Variants in DGKB observed in about 807,000 individuals in gnomAD.
DGKB encodes the protein 90 kDa diacylglycerol kinase.
Under a neutral mutation model 114.3 loss-of-function variants are expected in DGKB, and 67 were observed. The observed-to-expected ratio is 0.59, with a 90% confidence interval of 0.48 to 0.72. The LOEUF is 0.72. Ranked by LOEUF, DGKB falls within the 30% of genes least tolerant of loss-of-function variation. The pLI is 0.00. For synonymous variants in DGKB, 398 were observed against 323.1 expected, an observed-to-expected ratio of 1.23 and a Z score of -2.49; for missense variants, 907 against 975.2, an observed-to-expected ratio of 0.93 and a Z score of 0.93.
At chr7:14,476,559 T>C (rs1782199348) in intron 21 of DGKB, among the ~76,000 whole-genome samples, 1 of 152,114 alleles carries the variant, frequency 6.6e-6, no homozygotes. Flanking sequence ...AAAATTTGTG[T>C]GAATTATTCT....
intron 2 of DGKB, among the ~76,000 whole-genome samples, chr7:14,801,878 G>A (rs1343068840): frequency 6.7e-6 from 1 of 150,236 alleles, no homozygotes; most frequent in Non-Finnish European, 1.5e-5. Flanking sequence ...ATATACATAT[G>A]TGTGTGTGTA....
chr7:14,517,227 A>T (rs1788959669), intron 20 of DGKB, among the ~76,000 whole-genome samples: 1 of 152,164 alleles, frequency 6.6e-6, no homozygotes, highest in Non-Finnish European at 1.5e-5. Flanking sequence ...CATTCAATAA[A>T]TGGTGCTGGA....
At chr7:14,831,727 A>T (rs1157705881) in intron 2 of DGKB, among the ~76,000 whole-genome samples, 1 of 152,092 alleles carries the variant, frequency 6.6e-6, no homozygotes, top group Non-Finnish European at 1.5e-5. Flanking sequence ...ATCTTATTAC[A>T]CAGTTATTAC....
At chr7:14,439,162 C>T (rs1184611046) in intron 21 of DGKB, among the ~76,000 whole-genome samples, 1 of 152,040 alleles carries the variant, frequency 6.6e-6, no homozygotes, top group African/African-American at 2.4e-5. Flanking sequence ...ACGTACTAAT[C>T]CCCAAACTCT....
intron 23 of DGKB, among the ~76,000 whole-genome samples, chr7:14,257,680 C>T (rs1796143157): frequency 6.6e-6 from 1 of 152,124 alleles, no homozygotes; most frequent in African/African-American, 2.4e-5. Context: ...TTATAATTTT[C>T]CTGAGGCCTC....
chr7:14,178,166 A>C lies in DGKB; in HGVS notation c.2123-15T>G, dbSNP rs777736340. 1.1e-5 allele frequency: 18 copies of C among 1,613,090 alleles called. No individual in the cohort carries two copies. In the South Asian group the frequency reaches 2.0e-4, roughly 18 times the overall value. ...GTCACTGAGATCTGAAAGAAAGTAG[A>C]TGCCTTTTAAGTTGCAATGTGTATA... is the stretch of plus-strand genomic sequence containing the variant. On this transcript the variant is annotated splice_polypyrimidine_tract_variant and intron_variant, in intron 23 of 25. Transcript: ENST00000402815.
At chr7:14,180,853 C>G (rs577779246) in intron 23 of DGKB, among the ~76,000 whole-genome samples, 1 of 152,246 alleles carries the variant, frequency 6.6e-6, no homozygotes, top group East Asian at 1.9e-4. Flanking sequence ...CCTCACCTCA[C>G]ATTCTAGCTA....
At chr7:14,414,939 G>A (rs946349958) in intron 21 of DGKB, among the ~76,000 whole-genome samples, 5 of 151,838 alleles carry the variant, frequency 3.3e-5, no homozygotes, top group African/African-American at 1.2e-4. Context: ...TAAATACTCT[G>A]AAGAAAGCAC....
At chr7:14,727,613 C>T (rs1041620929) in intron 5 of DGKB, among the ~76,000 whole-genome samples, 31 of 152,078 alleles carry the variant, frequency 2.0e-4, no homozygotes, top group African/African-American at 6.8e-4. Context: ...ATAAGTATAT[C>T]GACATTAAGA....
chr7:14,946,191 T>C (rs762587113), intron 1 of DGKB, among the ~76,000 whole-genome samples: 6 of 151,690 alleles, frequency 4.0e-5, no homozygotes, highest in Non-Finnish European at 7.4e-5. Context: ...CCAGTTGATT[T>C]TGTAGTTTTA....
intron 23 of DGKB, chr7:14,191,132 T>C (rs11771562): frequency 0.091 from 15,569 of 171,824 alleles, 990 homozygotes; most frequent in Admixed American, 0.2. Flanking sequence ...CTGACTGTGA[T>C]GTCCTGATTG....
chr7:14,568,950 T>C (rs1797984393), intron 20 of DGKB, among the ~76,000 whole-genome samples: 1 of 152,226 alleles, frequency 6.6e-6, no homozygotes, highest in Admixed American at 6.5e-5. Flanking sequence ...CGTGCTCATC[T>C]GAAGCTTTTT....
At chr7:14,669,276 G>A (rs1368657454) in intron 13 of DGKB, among the ~76,000 whole-genome samples, 2 of 152,098 alleles carry the variant, frequency 1.3e-5, no homozygotes, top group Non-Finnish European at 2.9e-5. Flanking sequence ...TTTATTCAGA[G>A]TAAAGGCCAA....
At chr7:14,958,123 C>T (rs1786619541) in intron 1 of DGKB, among the ~76,000 whole-genome samples, 1 of 151,864 alleles carries the variant, frequency 6.6e-6, no homozygotes, top group Non-Finnish European at 1.5e-5. Flanking sequence ...TTGGCAGCAT[C>T]GGTTTATAAA....
chr7:14,494,454 A>G (rs1356202582), intron 20 of DGKB, among the ~76,000 whole-genome samples: 2 of 151,958 alleles, frequency 1.3e-5, no homozygotes, highest in Admixed American at 6.6e-5. Flanking sequence ...ACCCACCAAA[A>G]GAAATAAAAA....
chr7:14,607,470 T>C lies in DGKB; in HGVS notation c.1397A>G (p.Gln466Arg). 1 of 1,590,766 alleles carries C rather than the reference T, an allele frequency of 6.3e-7. No homozygotes were observed. Among genetic ancestry groups the C allele is most frequent in the African/African-American group, 1.3e-5 (1 of 74,358 alleles). ...RKFQYLLNPRQVYSLSGNGPM... is the reference protein window; with the variant it reads ...RKFQYLLNPRRVYSLSGNGPM... ...TCCATTTCCAGAAAGACTGTAAACC[T>C]GACGAGGATTTAATAGATACTGGAA... The change falls in exon 17 of 26, where the codon CAG becomes CGG. Residue 466 changes from glutamine to arginine, a missense_variant. By Grantham distance (43) the Gln-to-Arg change is conservative (BLOSUM62 1). Around this residue, in one of 3 missense-constraint regions of DGKB, gnomAD observed 814 missense variants for 856.6 expected, o/e 0.95. Transcript: ENST00000402815.
chr7:14,827,038 A>C (rs1481070822), intron 2 of DGKB, among the ~76,000 whole-genome samples: 1 of 152,128 alleles, frequency 6.6e-6, no homozygotes, highest in East Asian at 1.9e-4. Flanking sequence ...CAGTTTTAAC[A>C]TTGTGGGACT....
intron 1 of DGKB, among the ~76,000 whole-genome samples, chr7:14,945,856 A>T (rs1785843521): frequency 6.6e-6 from 1 of 151,688 alleles, no homozygotes; most frequent in Non-Finnish European, 1.5e-5. Flanking sequence ...TCATATGATT[A>T]GGTAAATTAA....
chr7:14,620,591 T>C (rs1807434809), intron 15 of DGKB, among the ~76,000 whole-genome samples: 1 of 151,778 alleles, frequency 6.6e-6, no homozygotes, highest in African/African-American at 2.4e-5. Flanking sequence ...ACTTGAAGTA[T>C]AGGCAGTTGG....
Sources: gnomAD v4.1 joint callset for allele counts (sites outside exome capture counted in the v4.1 genomes callset) on GRCh38, gnomAD v4.1.1 for gene constraint, gnomAD v4.1.1 regional missense constraint, MANE v1.5 for transcripts, NCBI Gene and HGNC (gene_info 2026-07-23, HGNC 2026-07-21) for gene names.